WDFY3: variants seen among roughly 807,000 people sequenced by gnomAD.
WDFY3 encodes WD repeat and FYVE domain containing 3.
WDFY3 carries 66 observed loss-of-function variants against 409.6 expected under a neutral mutation model. The ratio of observed to expected loss-of-function variants is 0.16; its 90% CI spans 0.13 to 0.20. The LOEUF is 0.20. WDFY3 is among the 10% of genes least tolerant of loss of function. The pLI is 1.00. For synonymous variants in WDFY3, 1,521 were observed against 1,537.1 expected, an observed-to-expected ratio of 0.99 and a Z score of 0.25; for missense variants, 3,031 against 4,298.1, an observed-to-expected ratio of 0.71 and a Z score of 8.24.
At chr4:84,784,032 T>G (rs941887822) in intron 24 of WDFY3, among the ~76,000 whole-genome samples, 1 of 152,138 alleles carries the variant, frequency 6.6e-6, no homozygotes, top group East Asian at 1.9e-4. Flanking sequence ...CTAAACCCCA[T>G]AGTCAGTCCT....
chr4:84,749,512 T>G lies in WDFY3; in HGVS notation c.5973+1971A>C, dbSNP rs534578195. On this transcript the variant is annotated intron_variant, in intron 36 of 67. Transcript: ENST00000295888. ...GACAGGCTCCTGGCAACTGCAACTT[T>G]AAGTGAAACAATGTACAGCAGGTCC... Among the ~76,000 whole-genome samples, 3 of 152,322 alleles carry G rather than the reference T, an allele frequency of 2.0e-5. No individual in the cohort carries two copies. The South Asian group carries it at 6.2e-4, about 32-fold the overall frequency.
intron 3 of WDFY3, among the ~76,000 whole-genome samples, chr4:84,873,925 C>A (rs1356191019): frequency 6.6e-6 from 1 of 151,796 alleles, no homozygotes; most frequent in Non-Finnish European, 1.5e-5. Flanking sequence ...AGGCTACAGG[C>A]ATGCACAGCC....
chr4:84,688,019 C>G (rs1299033352), intron 62 of WDFY3, 67 bp downstream of exon 62: 1 of 1,517,770 alleles, frequency 6.6e-7, no homozygotes, highest in Non-Finnish European at 9.0e-7. Context: ...TGAGCCCCAC[C>G]ATTTTTAATT....
chr4:84,943,483 G>A lies in WDFY3; in HGVS notation c.-225-11120C>T, dbSNP rs181385592. On this transcript the variant is annotated intron_variant, in intron 1 of 67. Coordinates refer to ENST00000295888, the MANE Select transcript of WDFY3 (RefSeq NM_014991.6). ...CACACCACTGCACTCCAGCCTGGGC[G>A]ACAGAGCAAGACTCCGTCTCAGAAA... 9.8e-3 allele frequency among the ~76,000 whole-genome samples: 1,495 copies of A among 151,860 alleles called. 10 individuals are homozygous for A. Among genetic ancestry groups the A allele is most frequent in the Non-Finnish European group, 0.017 (1,143 of 67,968 alleles).
In WDFY3 at chr4:84,829,085, T is replaced by A. The variant is rs1427639196; in HGVS notation, c.875A>T (p.Asp292Val). Residue 292 changes from aspartate to valine, a missense_variant, in exon 9 of 68, where the codon GAT becomes GTT. Physicochemically the swap from Asp to Val is radical, Grantham distance 152. Transcript: ENST00000295888. ...AAGTGTTTGGGAAACATCGCTGGAA[T>A]CTTTGAGGAAACAAGAAAGCCCAGC... ...MFAGLSCFLKDSSDVSQTLLD... is the reference protein window; with the variant it reads ...MFAGLSCFLKVSSDVSQTLLD... The A allele has an allele frequency of 5.0e-6, 8 of 1,613,926 alleles. No individual in the cohort carries two copies. The highest frequency in any genetic ancestry group is 5.9e-6 in the Non-Finnish European group (7 of 1,179,880).
In WDFY3 at chr4:84,763,059, A is replaced by C. The variant is rs11736414; in HGVS notation, c.5188+2751T>G. ...ATTACATTGCAAGTCCTAAAAAAAA[A>C]CCAAAAAACTGGCATTCTCATTTTC... is the stretch of plus-strand genomic sequence containing the variant. On this transcript the variant is annotated intron_variant, in intron 32 of 67. Coordinates refer to ENST00000295888, the MANE Select transcript of WDFY3 (RefSeq NM_014991.6). Among the ~76,000 whole-genome samples the C allele has an allele frequency of 1.5e-3, 223 of 152,298 alleles. 3 individuals carry two copies. In the East Asian group the frequency reaches 0.029, roughly 20 times the overall value.
chr4:84,744,064 A>G (rs1454841070), intron 36 of WDFY3, among the ~76,000 whole-genome samples: 1 of 148,212 alleles, frequency 6.7e-6, no homozygotes, highest in Non-Finnish European at 1.5e-5. Flanking sequence ...TAAACATTAT[A>G]TTTATTATAT....
At chr4:84,823,938 T>C (rs1754463525) in intron 10 of WDFY3, among the ~76,000 whole-genome samples, 1 of 152,112 alleles carries the variant, frequency 6.6e-6, no homozygotes, top group African/African-American at 2.4e-5. Flanking sequence ...CTAAAAGAAA[T>C]GAAAACGTAT....
chr4:84,717,945 G>C (rs1039842730), intron 48 of WDFY3, among the ~76,000 whole-genome samples: 3 of 151,224 alleles, frequency 2.0e-5, no homozygotes, highest in African/African-American at 7.3e-5. Flanking sequence ...CTACTCGGGA[G>C]GCTGAGGCAG....
chr4:84,713,674 A>G (rs1281669111), intron 50 of WDFY3, among the ~76,000 whole-genome samples: 1 of 152,226 alleles, frequency 6.6e-6, no homozygotes, highest in Non-Finnish European at 1.5e-5. Context: ...AAAATTTTCT[A>G]TAATGGAGGG....
In WDFY3 at chr4:84,809,969, T is replaced by G; in HGVS notation, c.2263A>C (p.Ile755Leu). 1 of 1,614,198 alleles carries G rather than the reference T, an allele frequency of 6.2e-7. No homozygotes were observed. Among genetic ancestry groups the G allele is most frequent in the Non-Finnish European group, 8.5e-7 (1 of 1,180,018 alleles). ...QRLLEEDVIS[I>L]ESVSPTLRHC... ...CGTAACGTGGGTGACACTGATTCTA[T>G]TGAGATTACATCTTCCTCTAAAAGT... Residue 755 changes from isoleucine to leucine, a missense_variant, in exon 14 of 68, where the codon ATA becomes CTA. Coordinates refer to ENST00000295888, the MANE Select transcript of WDFY3 (RefSeq NM_014991.6).
intron 13 of WDFY3, among the ~76,000 whole-genome samples, chr4:84,814,091 G>T (rs1045705630): frequency 6.6e-6 from 1 of 152,114 alleles, no homozygotes; most frequent in Non-Finnish European, 1.5e-5. Context: ...GCTGGAATGG[G>T]GTATGTAGGA....
At chr4:84,821,716 C>A (rs1281618998) in intron 10 of WDFY3, among the ~76,000 whole-genome samples, 165 bp from the exon 11 acceptor site, 1 of 152,096 alleles carries the variant, frequency 6.6e-6, no homozygotes, top group Non-Finnish European at 1.5e-5. Context: ...AGGTTCAAAT[C>A]ATTTAATTAA....
At chr4:84,963,127 CAAA>C (rs112014329) in intron 1 of WDFY3, among the ~76,000 whole-genome samples, 1 of 130,688 alleles carries the variant, frequency 7.7e-6, no homozygotes. Flanking sequence ...AACAAAAAAA[CAAA>C]AAAAAAAAAA....
rs200113915 is a variant in WDFY3, at chr4:84,744,907, A to AT, written c.5974-1109dup. On this transcript the variant is annotated intron_variant, in intron 36 of 67. Coordinates refer to ENST00000295888, the MANE Select transcript of WDFY3 (RefSeq NM_014991.6). ...TAAGAAGGAAAGAAAAACACAATAG[A>AT]TTGTCAGCAAAGACATATGTTTTCC... Among the ~76,000 whole-genome samples, 604 of 151,240 alleles carry AT rather than the reference A, an allele frequency of 4.0e-3. 3 individuals are homozygous for AT. Among genetic ancestry groups the AT allele is most frequent in the African/African-American group, 0.014 (565 of 41,292 alleles).
chr4:84,953,150 G>A (rs1227323929), intron 1 of WDFY3, among the ~76,000 whole-genome samples: 6 of 150,820 alleles, frequency 4.0e-5, no homozygotes, highest in African/African-American at 1.2e-4. Context: ...GAGTTGACCC[G>A]AAGGATATTA....
At chr4:84,743,929 G>C in intron 36 of WDFY3, 130 bp from the exon 37 acceptor site, 1 of 477,506 alleles carries the variant, frequency 2.1e-6, no homozygotes, top group Non-Finnish European at 3.4e-6. Context: ...TAAATGCCAT[G>C]AGAGATGGTA....
intron 2 of WDFY3, among the ~76,000 whole-genome samples, chr4:84,917,297 C>T (rs1048218609): frequency 6.6e-6 from 1 of 152,124 alleles, no homozygotes; most frequent in Non-Finnish European, 1.5e-5. Flanking sequence ...AAGAGAGCCT[C>T]GGAGGCCAGT....
intron 56 of WDFY3, among the ~76,000 whole-genome samples, chr4:84,697,285 A>C (rs1730297907): frequency 2.6e-5 from 4 of 152,232 alleles, no homozygotes; most frequent in Non-Finnish European, 5.9e-5. Context: ...AGATATCTGT[A>C]ATACAAGAGG....
Sources: gnomAD v4.1 joint callset for allele counts (sites outside exome capture counted in the v4.1 genomes callset) on GRCh38, gnomAD v4.1.1 for gene constraint, MANE v1.5 for transcripts, NCBI Gene and HGNC (gene_info 2026-07-23, HGNC 2026-07-21) for gene names.